HAUS6: variants seen among roughly 807,000 people sequenced by gnomAD.
HAUS6 encodes HAUS augmin-like complex subunit 6.
A neutral mutation model predicts 106.8 loss-of-function variants in HAUS6; 80 were observed. That is an observed-to-expected ratio of 0.75 (90% CI 0.63 to 0.90). The LOEUF (loss-of-function observed/expected upper bound fraction) is 0.90, where lower values mean the gene tolerates loss of function less well. Ranked by LOEUF, HAUS6 falls within the 40% of genes least tolerant of loss-of-function variation. The pLI is 0.00. For missense variants in HAUS6, 1,155 were observed against 1,118.1 expected (o/e 1.03, Z -0.47); for synonymous variants, 356 against 379.1 (o/e 0.94, Z 0.71).
At chr9:19,057,537 G>A (rs1204656531) in intron 16 of HAUS6, 3 of 169,922 alleles carry the variant, frequency 1.8e-5, no homozygotes, top group East Asian at 1.7e-4. Context: ...GCTTTGTTAT[G>A]GCAGCCCTAG....
At chr9:19,085,833 A>G (rs1351892366) in intron 7 of HAUS6, among the ~76,000 whole-genome samples, 2 of 152,148 alleles carry the variant, frequency 1.3e-5, no homozygotes, top group African/African-American at 4.8e-5. Context: ...ACAATCAAGC[A>G]GAGCTTTTTG....
In HAUS6 at chr9:19,080,463, G is replaced by C. The variant is rs1837115632; in HGVS notation, c.1064+16C>G. On this transcript the variant is annotated intron_variant, in intron 9 of 16. Transcript: ENST00000380502. The stretch of plus-strand genomic sequence containing the variant: ...CTACTCCTCCCACAGTAAAATAACA[G>C]ATCTTTTTAGTGTACCTCATATGTT... 1.3e-6 allele frequency: 2 copies of C among 1,553,632 alleles called. No homozygotes were observed. Among genetic ancestry groups the C allele is most frequent in the Non-Finnish European group, 1.8e-6 (2 of 1,127,688 alleles).
chr9:19,072,477 C>T (rs1836900873), intron 11 of HAUS6, among the ~76,000 whole-genome samples: 1 of 151,080 alleles, frequency 6.6e-6, no homozygotes, highest in South Asian at 2.1e-4. Flanking sequence ...TGTGCCACTA[C>T]ACTCAAGCCT....
chr9:19,099,418 G>C (rs1024482870), intron 1 of HAUS6, among the ~76,000 whole-genome samples: 1 of 151,962 alleles, frequency 6.6e-6, no homozygotes, highest in Non-Finnish European at 1.5e-5. Flanking sequence ...CGCCCATCTC[G>C]GCCTCCCAAA....
intron 5 of HAUS6, among the ~76,000 whole-genome samples, chr9:19,088,198 T>C (rs1242488588): frequency 6.6e-6 from 1 of 152,120 alleles, no homozygotes; most frequent in Non-Finnish European, 1.5e-5. Flanking sequence ...GTGGATCACC[T>C]GAGGTCAGGA....
chr9:19,063,971 T>TTA (rs1554688189), intron 12 of HAUS6, among the ~76,000 whole-genome samples: 25 of 58,454 alleles, frequency 4.3e-4, no homozygotes, highest in African/African-American at 2.4e-3. Context: ...CTTTATTTTA[T>TTA]TTTTTTTTTT....
At chr9:19,093,410 C>A in intron 3 of HAUS6, 107 bp from the exon 4 acceptor site, 1 of 982,774 alleles carries the variant, frequency 1.0e-6, no homozygotes, top group Non-Finnish European at 1.6e-6. Context: ...CAATAGAAGT[C>A]CCACATTTTC....
intron 8 of HAUS6, 47 bp from the exon 9 acceptor site, chr9:19,080,719 CAACA>C (rs1293259140): frequency 9.9e-7 from 1 of 1,009,336 alleles, no homozygotes; most frequent in East Asian, 2.5e-5. Context: ...TAGGTTGTTA[CAACA>C]AACTATTACA....
rs543780060 is a variant in HAUS6 at position 19,099,809 on chromosome 9, G to A, written c.128+2715C>T. ...TCATGTCTGTAATCCCAGCACTTTG[G>A]GAGGCTGACGCGGGAGGATCACTTA... On this transcript the variant is annotated intron_variant, in intron 1 of 16. Transcript: ENST00000380502. Among the ~76,000 whole-genome samples, 4 of 152,270 alleles carry A rather than the reference G, an allele frequency of 2.6e-5. No individual in the cohort carries two copies. The South Asian group carries it at 8.3e-4, about 32-fold the overall frequency.
At chr9:19,064,419 T>A (rs1377041664) in intron 12 of HAUS6, among the ~76,000 whole-genome samples, 1 of 152,232 alleles carries the variant, frequency 6.6e-6, no homozygotes, top group Non-Finnish European at 1.5e-5. Context: ...TATTTGTTAA[T>A]CTTTTGTATT....
intron 15 of HAUS6, 48 bp downstream of exon 15, chr9:19,060,040 G>C: frequency 6.8e-7 from 1 of 1,475,410 alleles, no homozygotes; most frequent in South Asian, 1.2e-5. Context: ...TTCTAACAGT[G>C]GTTATGTCGA....
At chr9:19,076,567 G>A in intron 11 of HAUS6, 35 bp downstream of exon 11, 1 of 881,824 alleles carries the variant, frequency 1.1e-6, no homozygotes, top group Non-Finnish European at 1.9e-6. Context: ...ACAGGAAGGA[G>A]GTTTCAAAGA....
chr9:19,074,653 G>C (rs1054071280), intron 11 of HAUS6, among the ~76,000 whole-genome samples: 1 of 152,096 alleles, frequency 6.6e-6, no homozygotes, highest in African/African-American at 2.4e-5. Flanking sequence ...TTCCCAACCA[G>C]TGTCCTCCCC....
intron 14 of HAUS6, among the ~76,000 whole-genome samples, chr9:19,061,890 TTAG>T (rs1443527183): frequency 6.6e-6 from 1 of 152,140 alleles, no homozygotes; most frequent in Non-Finnish European, 1.5e-5. Flanking sequence ...CAATGCTCAT[TTAG>T]TTTGATCAGG....
At chr9:19,100,490 T>C (rs1817965247) in intron 1 of HAUS6, among the ~76,000 whole-genome samples, 1 of 152,222 alleles carries the variant, frequency 6.6e-6, no homozygotes, top group South Asian at 2.1e-4. Flanking sequence ...TGGTGGAATG[T>C]AAAGTAGTAC....
intron 5 of HAUS6, among the ~76,000 whole-genome samples, chr9:19,088,186 G>A (rs183529637): frequency 4.0e-5 from 6 of 151,308 alleles, no homozygotes; most frequent in South Asian, 2.1e-4. Flanking sequence ...AGGCTGAGGC[G>A]GGTGGATCAC....
At chr9:19,059,558 G>T (rs746316533) in intron 15 of HAUS6, among the ~76,000 whole-genome samples, 3 of 152,218 alleles carry the variant, frequency 2.0e-5, no homozygotes, top group Non-Finnish European at 4.4e-5. Context: ...CAGCAAAACA[G>T]AAATTATTTA....
chr9:19,099,177 T>TG (rs1244072562), intron 1 of HAUS6, among the ~76,000 whole-genome samples: 1 of 151,094 alleles, frequency 6.6e-6, no homozygotes, highest in Non-Finnish European at 1.5e-5. Context: ...TTGTGTTTTT[T>TG]TTTTTTTGAG....
At chr9:19,101,322 A>G (rs899036063) in intron 1 of HAUS6, among the ~76,000 whole-genome samples, 2 of 151,970 alleles carry the variant, frequency 1.3e-5, no homozygotes, top group Non-Finnish European at 2.9e-5. Flanking sequence ...GGAGCTCAAG[A>G]CCAGCCTGGG....
Sources: gnomAD v4.1 joint callset for allele counts (sites outside exome capture counted in the v4.1 genomes callset) on GRCh38, gnomAD v4.1.1 for gene constraint, MANE v1.5 for transcripts, NCBI Gene and HGNC (gene_info 2026-07-23, HGNC 2026-07-21) for gene names.